Variants in MED27 observed in about 807,000 individuals in gnomAD.
The protein encoded by MED27 is mediator of RNA polymerase II transcription subunit 27.
MED27 carries 30 observed loss-of-function variants against 38.2 expected under a neutral mutation model. The ratio of observed to expected loss-of-function variants is 0.79; its 90% CI spans 0.59 to 1.07. The LOEUF is 1.07. Ranked by LOEUF, MED27 falls within the 50% of genes least tolerant of loss-of-function variation. The pLI is 0.00. For missense variants in MED27, 289 were observed against 397.5 expected (o/e 0.73, Z 2.32); for synonymous variants, 122 against 153.5 (o/e 0.79, Z 1.52).
chr9:131,955,560 G>T (rs895726007), intron 3 of MED27, among the ~76,000 whole-genome samples: 1 of 152,160 alleles, frequency 6.6e-6, no homozygotes, highest in Non-Finnish European at 1.5e-5. Flanking sequence ...TCAATATCAG[G>T]AATGAATGAT....
In MED27 at chr9:132,044,711, C is replaced by T. The variant is rs1183516321; in HGVS notation, c.349-30244G>A. On this transcript the variant is annotated intron_variant, in intron 2 of 7. Coordinates refer to ENST00000292035, the MANE Select transcript of MED27 (RefSeq NM_004269.4). ...TGATCAAAAGCAGTCCACATTTTAC[C>T]CTCAATGCCATGGCTGGAAAATTCC... Among the ~76,000 whole-genome samples the T allele has an allele frequency of 2.0e-5, 3 of 152,188 alleles. No individual in the cohort carries two copies. The East Asian group carries it at 5.8e-4, about 29-fold the overall frequency.
chr9:131,993,659 C>G (rs1832027291), intron 3 of MED27, among the ~76,000 whole-genome samples: 1 of 152,140 alleles, frequency 6.6e-6, no homozygotes, highest in Non-Finnish European at 1.5e-5. Context: ...GTCCACAGAC[C>G]CATCTCATCA....
chr9:131,934,480 C>T (rs1207452456), intron 4 of MED27, among the ~76,000 whole-genome samples: 2 of 151,846 alleles, frequency 1.3e-5, no homozygotes, highest in African/African-American at 2.4e-5. Flanking sequence ...GCAAAAGATC[C>T]GAATAGATAT....
intron 2 of MED27, among the ~76,000 whole-genome samples, chr9:132,039,382 C>T (rs1057136562): frequency 6.6e-6 from 1 of 152,180 alleles, no homozygotes; most frequent in African/African-American, 2.4e-5. Flanking sequence ...AATAATAGTA[C>T]ACACGCCTCC....
chr9:132,079,053 A>C (rs951394923), intron 1 of MED27, among the ~76,000 whole-genome samples: 5 of 152,176 alleles, frequency 3.3e-5, no homozygotes, highest in African/African-American at 1.2e-4. Flanking sequence ...GTAGGTCTCT[A>C]CTGCGGAAGG....
intron 4 of MED27, among the ~76,000 whole-genome samples, chr9:131,920,201 T>A (rs1325765155): frequency 6.6e-6 from 1 of 152,208 alleles, no homozygotes; most frequent in South Asian, 2.1e-4. Flanking sequence ...CCACCCACCA[T>A]GACATAAACA....
Position 131,997,232 on chromosome 9 carries a change from G to A in MED27, c.479+17105C>T, listed in dbSNP as rs1308801026. Among the ~76,000 whole-genome samples, 1 of 152,154 alleles carries A rather than the reference G, an allele frequency of 6.6e-6. No homozygotes were observed. The highest frequency in any genetic ancestry group is 1.5e-5 in the Non-Finnish European group (1 of 68,030). ...GCTGGAGCTTAGCCATCTAGTAATA[G>A]TATCACAGCTGATGAAGATCAGGGT... On this transcript the variant is annotated intron_variant, in intron 3 of 7. Coordinates refer to ENST00000292035, the MANE Select transcript of MED27 (RefSeq NM_004269.4). This position sits in a 1 kb window ranked among gnomAD's most constrained non-coding sequence, Gnocchi z 4.0.
At chr9:131,928,494 C>T (rs1830522280) in intron 4 of MED27, among the ~76,000 whole-genome samples, 2 of 152,212 alleles carry the variant, frequency 1.3e-5, no homozygotes, top group African/African-American at 4.8e-5. Flanking sequence ...TTGAGTGACA[C>T]CACTCCTCCT....
At chr9:131,958,180 T>C (rs1451740971) in intron 3 of MED27, among the ~76,000 whole-genome samples, 2 of 151,986 alleles carry the variant, frequency 1.3e-5, no homozygotes, top group Non-Finnish European at 2.9e-5. Context: ...TAAAACATGC[T>C]CGGAACATGC....
chr9:132,014,564 C>G, intron 2 of MED27, 97 bp from the exon 3 acceptor site: 1 of 1,255,290 alleles, frequency 8.0e-7, no homozygotes, highest in Non-Finnish European at 1.1e-6. Context: ...ATCTTATCCC[C>G]TTAGAACATT....
At chr9:131,998,972 A>T (rs905717149) in intron 3 of MED27, among the ~76,000 whole-genome samples, 1 of 152,190 alleles carries the variant, frequency 6.6e-6, no homozygotes, top group African/African-American at 2.4e-5. Flanking sequence ...ACAGCTTTCT[A>T]GAGCTACTGT....
At chr9:132,021,788 A>G (rs568894815) in intron 2 of MED27, among the ~76,000 whole-genome samples, 10 of 152,220 alleles carry the variant, frequency 6.6e-5, no homozygotes, top group Non-Finnish European at 1.3e-4. Flanking sequence ...AGGCCCCATG[A>G]TGGGATTAAT....
intron 3 of MED27, among the ~76,000 whole-genome samples, chr9:131,971,339 C>G (rs1414044946): frequency 6.6e-6 from 1 of 152,080 alleles, no homozygotes; most frequent in Non-Finnish European, 1.5e-5. Flanking sequence ...CCCGGAACAG[C>G]GAAGAAGCTT....
chr9:131,926,158 T>C (rs1246830799), intron 4 of MED27, among the ~76,000 whole-genome samples: 1 of 152,218 alleles, frequency 6.6e-6, no homozygotes, highest in African/African-American at 2.4e-5. Context: ...GCTGGTCTCT[T>C]GTCCATTTTC....
chr9:132,043,724 G>C (rs1346261639), intron 2 of MED27, among the ~76,000 whole-genome samples: 1 of 152,060 alleles, frequency 6.6e-6, no homozygotes, highest in African/African-American at 2.4e-5. Flanking sequence ...CAGGAAAAAG[G>C]TTCTTAGGGC....
intron 5 of MED27, among the ~76,000 whole-genome samples, chr9:131,888,347 T>G (rs539772388): frequency 1.3e-5 from 2 of 152,160 alleles, no homozygotes; most frequent in African/African-American, 4.8e-5. Flanking sequence ...GTGGGGGAAT[T>G]TGAAACCAGG....
chr9:131,944,628 A>C (rs1479194160), intron 3 of MED27, among the ~76,000 whole-genome samples: 2 of 151,714 alleles, frequency 1.3e-5, no homozygotes, highest in East Asian at 3.9e-4. Flanking sequence ...CATGGATTCA[A>C]GCAATTCTCC....
intron 6 of MED27, chr9:131,869,430 C>A (rs1838791243): frequency 1.0e-6 from 1 of 979,576 alleles, no homozygotes; most frequent in Non-Finnish European, 1.2e-6. Flanking sequence ...TAATTTAAAT[C>A]CACTCTGTGG....
intron 6 of MED27, among the ~76,000 whole-genome samples, chr9:131,874,204 G>A (rs920234633): frequency 2.0e-5 from 3 of 152,206 alleles, no homozygotes; most frequent in Non-Finnish European, 4.4e-5. Context: ...CCCTCTGCCT[G>A]GAATGTTCCT....
Sources: allele counts gnomAD v4.1 joint callset (sites outside exome capture counted in the v4.1 genomes callset), GRCh38; gene constraint gnomAD v4.1.1; non-coding constraint Gnocchi (gnomAD v3.1); transcripts MANE v1.5; gene names NCBI Gene and HGNC (gene_info 2026-07-23, HGNC 2026-07-21).